The following DOCK8 variants were observed in gnomAD, a reference collection of about 807,000 sequenced individuals.
DOCK8 encodes dedicator of cytokinesis protein 8.
In DOCK8, 141 loss-of-function variants were observed where a neutral mutation model predicts 245.6. The observed-to-expected ratio is 0.57, with a 90% CI of 0.50 to 0.66. The LOEUF is 0.66. DOCK8 is among the 30% of genes least tolerant of loss of function. The pLI is 0.00. For missense variants in DOCK8, 2,965 were observed against 2,603.4 expected (o/e 1.14, Z -3.02); for synonymous variants, 1,168 against 970.2 (o/e 1.20, Z -3.79).
At chr9:315,418 A>G (rs921946452) in intron 6 of DOCK8, among the ~76,000 whole-genome samples, 1 of 152,234 alleles carries the variant, frequency 6.6e-6, no homozygotes, top group African/African-American at 2.4e-5. Flanking sequence ...CCCAAATGTC[A>G]TATGTGGACC....
At chr9:258,952 T>C (rs2047849397) in intron 1 of DOCK8, among the ~76,000 whole-genome samples, 1 of 151,880 alleles carries the variant, frequency 6.6e-6, no homozygotes, top group East Asian at 1.9e-4. Flanking sequence ...TATGTGTGTT[T>C]ACAATTTCTG....
chr9:353,820 G>T (rs1379959084), intron 14 of DOCK8, among the ~76,000 whole-genome samples: 1 of 152,118 alleles, frequency 6.6e-6, no homozygotes, highest in Non-Finnish European at 1.5e-5. Context: ...TTCAAAATGT[G>T]GTGCTTTGGG....
Position 463,672 on chromosome 9 carries a change from T to G in DOCK8, c.6224T>G (p.Val2075Gly). The G allele has an allele frequency of 6.2e-7, 1 of 1,613,542 alleles. No individual in the cohort carries two copies. Among genetic ancestry groups the G allele is most frequent in the Non-Finnish European group, 8.5e-7 (1 of 1,179,944 alleles). The change falls in exon 47 of 48, where the codon GTT (valine) becomes GGT (glycine). Residue 2075 changes from valine to glycine, a missense_variant. Coordinates refer to ENST00000432829, the MANE Select transcript of DOCK8 (RefSeq NM_203447.4). ...GAACTGTACAAGCCAATATTCAGAG[T>G]TGAGAGTCAAAAGAGGTAAGAACAG... ...IPELYKPIFRVESQKRDSFHR... is the reference protein window; with the variant it reads ...IPELYKPIFRGESQKRDSFHR...
intron 23 of DOCK8, among the ~76,000 whole-genome samples, chr9:387,139 G>A (rs2053987544): frequency 6.6e-6 from 1 of 152,112 alleles, no homozygotes; most frequent in Non-Finnish European, 1.5e-5. Context: ...TGTCTTTGAA[G>A]ACCTGTATTA....
intron 44 of DOCK8, among the ~76,000 whole-genome samples, chr9:448,115 G>A (rs1031468943): frequency 1.4e-5 from 2 of 147,388 alleles, no homozygotes; most frequent in African/African-American, 5.0e-5. Flanking sequence ...TTTCATTTTT[G>A]AGACAGGATC....
At position 275,516 on chromosome 9, in the gene DOCK8, A is replaced by G. The variant is rs180829309; in HGVS notation, c.156+3787A>G. Among the ~76,000 whole-genome samples, 4 of 152,296 alleles carry G rather than the reference A, an allele frequency of 2.6e-5. No homozygotes were observed. In the East Asian group the frequency reaches 7.7e-4, roughly 29 times the overall value. ...GTGGGGACCAAGCATCAGTATTTTA[A>G]AGTTCCCTGGGGACTTTAACTTGAA... On this transcript the variant is annotated intron_variant, in intron 2 of 47. Transcript: ENST00000432829.
At chr9:257,731 A>T (rs2047814050) in intron 1 of DOCK8, among the ~76,000 whole-genome samples, 1 of 152,054 alleles carries the variant, frequency 6.6e-6, no homozygotes, top group East Asian at 1.9e-4. Flanking sequence ...GTTGGCCAGG[A>T]TGGTCTTGAT....
intron 14 of DOCK8, among the ~76,000 whole-genome samples, chr9:357,888 CAGG>C (rs2052520875): frequency 6.6e-6 from 1 of 152,218 alleles, no homozygotes; most frequent in Non-Finnish European, 1.5e-5. Context: ...ACCTACACAT[CAGG>C]AGTTTTCCTT....
At chr9:357,909 C>T (rs997355594) in intron 14 of DOCK8, among the ~76,000 whole-genome samples, 4 of 152,180 alleles carry the variant, frequency 2.6e-5, no homozygotes, top group Non-Finnish European at 5.9e-5. Context: ...CTTCTGTTTT[C>T]CTTTTTCACT....
chr9:332,976 G>T (rs1191823266), intron 10 of DOCK8, among the ~76,000 whole-genome samples: 1 of 152,024 alleles, frequency 6.6e-6, no homozygotes, highest in Non-Finnish European at 1.5e-5. Flanking sequence ...ATTTTTTAGA[G>T]AAATAAATCC....
chr9:395,846 T>C (rs897201108), intron 24 of DOCK8, among the ~76,000 whole-genome samples: 4 of 152,178 alleles, frequency 2.6e-5, no homozygotes, highest in African/African-American at 9.6e-5. Context: ...CAGTCACCAA[T>C]TGACACAAGG....
At chr9:461,079 G>A (rs56079414) in intron 46 of DOCK8, among the ~76,000 whole-genome samples, 23,768 of 152,168 alleles carry the variant, frequency 0.16, 2,365 homozygotes, top group East Asian at 0.4. Context: ...TTTAAATAAC[G>A]TGATTTTCTT....
chr9:270,850 C>A (rs1344425100), intron 1 of DOCK8, among the ~76,000 whole-genome samples: 4 of 152,164 alleles, frequency 2.6e-5, no homozygotes, highest in African/African-American at 9.7e-5. Context: ...GCCTGAGAAT[C>A]CAACCACCAA....
intron 14 of DOCK8, chr9:365,761 TCC>T (rs2052958960): frequency 2.4e-6 from 1 of 418,418 alleles, no homozygotes; most frequent in Admixed American, 3.1e-5. Flanking sequence ...ACACCCTCAA[TCC>T]CGCTTAACAG....
chr9:214,404 G>A, upstream of DOCK8: 3 of 1,098,902 alleles, frequency 2.7e-6, no homozygotes, highest in Admixed American at 4.3e-5. Context: ...TGGGCATATT[G>A]CTTGCAAAAG....
chr9:342,390 A>G (rs575043624), intron 14 of DOCK8, among the ~76,000 whole-genome samples: 1 of 149,528 alleles, frequency 6.7e-6, no homozygotes, highest in East Asian at 2.0e-4. Context: ...TACCAATGGG[A>G]ACTTTTTAAT....
At chr9:403,858 A>ATATCTC (rs1554693889) in intron 26 of DOCK8, among the ~76,000 whole-genome samples, 1 of 83,980 alleles carries the variant, frequency 1.2e-5, no homozygotes, top group Non-Finnish European at 2.3e-5. Context: ...AAGACTCTGT[A>ATATCTC]TCTCTCTCTC....
intron 1 of DOCK8, among the ~76,000 whole-genome samples, chr9:262,584 A>G (rs1262012768): frequency 6.6e-6 from 1 of 151,512 alleles, no homozygotes; most frequent in Non-Finnish European, 1.5e-5. Flanking sequence ...AAAAAAAGAG[A>G]TATATTGTAT....
chr9:377,257 G>GCATTGC (rs1041974337), intron 20 of DOCK8, 46 bp downstream of exon 20: 1 of 1,491,860 alleles, frequency 6.7e-7, no homozygotes, highest in Admixed American at 2.0e-5. Flanking sequence ...GAGCAAGCAA[G>GCATTGC]CATTGCCTTC....
Sources: allele counts gnomAD v4.1 joint callset (sites outside exome capture counted in the v4.1 genomes callset), GRCh38; gene constraint gnomAD v4.1.1; transcripts MANE v1.5; gene names NCBI Gene and HGNC (gene_info 2026-07-23, HGNC 2026-07-21).